The following SOX5 variants were observed in gnomAD, a reference collection of about 807,000 sequenced individuals.
The protein encoded by SOX5 is transcription factor SOX-5.
SOX5 carries 9 observed loss-of-function variants against 92.0 expected under a neutral mutation model. That is an observed-to-expected ratio of 0.10 (90% confidence interval 0.06 to 0.17). The LOEUF (loss-of-function observed/expected upper bound fraction) is 0.17, where lower values mean the gene tolerates loss of function less well. SOX5 is among the 10% of genes least tolerant of loss of function. The pLI is 1.00. For synonymous variants in SOX5, 344 were observed against 336.3 expected, an observed-to-expected ratio of 1.02 and a Z score of -0.25; for missense variants, 642 against 944.5, an observed-to-expected ratio of 0.68 and a Z score of 4.20.
intron 9 of SOX5, among the ~76,000 whole-genome samples, chr12:23,585,747 A>G (rs1357292631): frequency 6.6e-6 from 1 of 152,168 alleles, no homozygotes; most frequent in African/African-American, 2.4e-5. Flanking sequence ...CTGAGAAATC[A>G]AGCTGCAAAC....
intron 6 of SOX5, among the ~76,000 whole-genome samples, chr12:23,714,620 C>CA (rs1343080784): frequency 1.3e-5 from 2 of 151,322 alleles, no homozygotes; most frequent in Non-Finnish European, 2.9e-5. Context: ...AAGTGTGTCT[C>CA]AAAAAACAAG....
chr12:23,874,873 C>T (rs535953198), intron 2 of SOX5, among the ~76,000 whole-genome samples: 30 of 152,278 alleles, frequency 2.0e-4, no homozygotes, highest in African/African-American at 6.7e-4. Context: ...CTGTTTTCCA[C>T]CTCAAACCAC....
At chr12:24,081,741 T>G (rs1030520854) in intron 4 of SOX5, among the ~76,000 whole-genome samples, 3 of 152,004 alleles carry the variant, frequency 2.0e-5, no homozygotes, top group Non-Finnish European at 4.4e-5. Context: ...CTTCAGACAG[T>G]GCTTTCAAGG....
At chr12:24,016,795 G>A (rs954931295) in intron 4 of SOX5, among the ~76,000 whole-genome samples, 2 of 152,094 alleles carry the variant, frequency 1.3e-5, no homozygotes, top group East Asian at 3.9e-4. Flanking sequence ...CAGAGAAAGA[G>A]AGCAAAAGGC....
At chr12:24,479,990 A>T (rs548295239) in intron 1 of SOX5, among the ~76,000 whole-genome samples, 93 of 152,298 alleles carry the variant, frequency 6.1e-4, no homozygotes, top group Non-Finnish European at 1.1e-3. Flanking sequence ...TAAAAACCAT[A>T]ATAGTTAATG....
chr12:23,822,814 G>A (rs1264898737), intron 3 of SOX5, among the ~76,000 whole-genome samples: 1 of 152,078 alleles, frequency 6.6e-6, no homozygotes, highest in Non-Finnish European at 1.5e-5. Flanking sequence ...CTCCTGTATT[G>A]GGTGCACATA....
At chr12:24,207,093 A>G (rs1958099209) in intron 4 of SOX5, among the ~76,000 whole-genome samples, 1 of 152,246 alleles carries the variant, frequency 6.6e-6, no homozygotes, top group South Asian at 2.1e-4. Flanking sequence ...GATCTCTGTA[A>G]CATCAGTGTG....
intron 4 of SOX5, among the ~76,000 whole-genome samples, chr12:24,135,288 C>T (rs1950016231): frequency 6.6e-6 from 1 of 152,170 alleles, no homozygotes; most frequent in Non-Finnish European, 1.5e-5. Context: ...AAACGGATCC[C>T]TCCTTCCCTT....
rs577900178 is a variant in SOX5, at chr12:23,973,165, T to C, written c.-1-77141A>G. Reference sequence around the variant, plus strand: ...ACAGAATTTCTAACTTTTTTCTTTTTTTTTTTTTTTTTTTGAGACAAATTC... The same window carrying C: ...ACAGAATTTCTAACTTTTTTCTTTTCTTTTTTTTTTTTTTGAGACAAATTC... On this transcript the variant is annotated intron_variant, in intron 4 of 4. Coordinates refer to the SOX5 transcript ENST00000446891. Among the ~76,000 whole-genome samples, 52 of 148,310 alleles carry C rather than the reference T, an allele frequency of 3.5e-4. 1 individual carries two copies. The East Asian group carries it at 5.7e-3, about 16-fold the overall frequency.
intron 3 of SOX5, among the ~76,000 whole-genome samples, chr12:24,228,572 A>G (rs1962610416): frequency 6.6e-6 from 1 of 152,092 alleles, no homozygotes; most frequent in Non-Finnish European, 1.5e-5. Context: ...CAAGTTACCA[A>G]ATGCCAACTC....
intron 1 of SOX5, among the ~76,000 whole-genome samples, chr12:24,498,663 C>A (rs1049300968): frequency 6.6e-6 from 1 of 152,130 alleles, no homozygotes; most frequent in Admixed American, 6.5e-5. Context: ...AGTTTATAAT[C>A]CACTACTCTA....
Position 24,010,340 on chromosome 12 carries a change from A to T in SOX5, c.-1-114316T>A, listed in dbSNP as rs142330070. 2.0e-5 allele frequency among the ~76,000 whole-genome samples: 3 copies of T among 152,316 alleles called. No individual in the cohort carries two copies. The East Asian group carries it at 5.8e-4, about 29-fold the overall frequency. On this transcript the variant is annotated intron_variant, in intron 4 of 4. Coordinates refer to the SOX5 transcript ENST00000446891. Reference sequence around the variant, plus strand: ...TGTCTGGCATACAAAGATAATAAATATGTGTAAGATGAATGAATATGTGTG... The same window carrying T: ...TGTCTGGCATACAAAGATAATAAATTTGTGTAAGATGAATGAATATGTGTG...
rs549250040 is a variant in SOX5 at position 24,160,513 on chromosome 12, T to A, written c.-2+52830A>T. 2.0e-5 allele frequency among the ~76,000 whole-genome samples: 3 copies of A among 152,108 alleles called. No individual in the cohort carries two copies. In the East Asian group the frequency reaches 5.8e-4, roughly 29 times the overall value. ...AATCAACTTTCTGTTATTAGAAAGA[T>A]CACTCCATTGGCAGTGATCTTTCTT... On this transcript the variant is annotated intron_variant, in intron 4 of 4. Transcript: ENST00000446891.
At chr12:24,501,001 C>A (rs1948141478) in intron 1 of SOX5, among the ~76,000 whole-genome samples, 1 of 152,208 alleles carries the variant, frequency 6.6e-6, no homozygotes, top group Admixed American at 6.5e-5. Flanking sequence ...TGAAAGAACT[C>A]AAACAGCCTG....
At chr12:23,828,134 C>T (rs1052269016) in intron 3 of SOX5, among the ~76,000 whole-genome samples, 1 of 152,102 alleles carries the variant, frequency 6.6e-6, no homozygotes, top group African/African-American at 2.4e-5. Flanking sequence ...CAAATACTTA[C>T]TTTTTTGTTA....
chr12:23,986,265 T>A (rs923234820), intron 4 of SOX5, among the ~76,000 whole-genome samples: 1 of 152,112 alleles, frequency 6.6e-6, no homozygotes, highest in Non-Finnish European at 1.5e-5. Context: ...TAAGATTTAA[T>A]TGCAACATGA....
At chr12:23,536,907 G>GT (rs1228150077) in intron 13 of SOX5, among the ~76,000 whole-genome samples, 2 of 151,554 alleles carry the variant, frequency 1.3e-5, no homozygotes, top group African/African-American at 4.9e-5. Context: ...CCAAACTTTT[G>GT]TATTATGTCC....
chr12:23,556,860 A>G (rs1340239353), intron 11 of SOX5, among the ~76,000 whole-genome samples: 1 of 152,190 alleles, frequency 6.6e-6, no homozygotes, highest in Non-Finnish European at 1.5e-5. Flanking sequence ...GCTGAACTAC[A>G]TACACTGTGT....
At chr12:24,114,680 G>A (rs1223022311) in intron 4 of SOX5, among the ~76,000 whole-genome samples, 1 of 150,400 alleles carries the variant, frequency 6.6e-6, no homozygotes, top group Non-Finnish European at 1.5e-5. Flanking sequence ...GTTCACGCCT[G>A]TGATCCCAGA....
Sources: allele counts gnomAD v4.1 joint callset (sites outside exome capture counted in the v4.1 genomes callset), GRCh38; gene constraint gnomAD v4.1.1; transcripts MANE v1.5; gene names NCBI Gene and HGNC (gene_info 2026-07-23, HGNC 2026-07-21).